Variants in SLC2A9 observed in about 807,000 individuals in gnomAD.
SLC2A9 encodes solute carrier family 2 member 9, also known as solute carrier family 2, facilitated glucose transporter member 9.
A neutral mutation model predicts 50.6 loss-of-function variants in SLC2A9; 39 were observed. The ratio of observed to expected loss-of-function variants is 0.77; its 90% confidence interval spans 0.60 to 1.01. SLC2A9 has a LOEUF of 1.01. Ranked by LOEUF, SLC2A9 falls within the 50% of genes least tolerant of loss-of-function variation. SLC2A9 has a pLI of 0.00. For missense variants in SLC2A9, 686 were observed against 677.6 expected (o/e 1.01, Z -0.14); for synonymous variants, 324 against 276.9 (o/e 1.17, Z -1.69).
intron 3 of SLC2A9, among the ~76,000 whole-genome samples, chr4:9,814,880 C>T (rs1398081446): frequency 6.6e-6 from 1 of 151,980 alleles, no homozygotes; most frequent in African/African-American, 2.4e-5. Flanking sequence ...GGGCACAGTC[C>T]ACCAAGACCA....
chr4:10,025,275 G>A (rs1578386371), upstream of SLC2A9, among the ~76,000 whole-genome samples: 1 of 152,200 alleles, frequency 6.6e-6, no homozygotes, highest in East Asian at 1.9e-4. Context: ...ACATAGCCTT[G>A]GACAAGTGGC....
At chr4:9,891,066 T>C (rs576055915) in intron 8 of SLC2A9, among the ~76,000 whole-genome samples, 1 of 152,308 alleles carries the variant, frequency 6.6e-6, no homozygotes, top group Admixed American at 6.5e-5. Flanking sequence ...GCATGGAAGG[T>C]GACTCCTCTG....
At chr4:9,891,965 C>T (rs548649614) in intron 8 of SLC2A9, among the ~76,000 whole-genome samples, 5 of 152,298 alleles carry the variant, frequency 3.3e-5, no homozygotes, top group East Asian at 1.9e-4. Flanking sequence ...AGCACTGAGA[C>T]GAACAGTTGC....
intron 8 of SLC2A9, among the ~76,000 whole-genome samples, chr4:9,893,250 C>T (rs557673608): frequency 6.6e-6 from 1 of 152,160 alleles, no homozygotes; most frequent in Non-Finnish European, 1.5e-5. Context: ...ATTCCTGGCT[C>T]TCTGATTCTC....
At chr4:9,893,780 G>C (rs1738003163) in intron 8 of SLC2A9, among the ~76,000 whole-genome samples, 1 of 152,180 alleles carries the variant, frequency 6.6e-6, no homozygotes, top group Non-Finnish European at 1.5e-5. Context: ...AAAAGGCCCA[G>C]AGATATCAGG....
intron 3 of SLC2A9, among the ~76,000 whole-genome samples, chr4:9,988,282 G>A (rs776038253): frequency 1.3e-5 from 2 of 152,224 alleles, no homozygotes; most frequent in Non-Finnish European, 2.9e-5. Flanking sequence ...GAGGCATAGA[G>A]GAGCCAAGGA....
chr4:9,931,425 T>A (rs1745893667), intron 6 of SLC2A9, among the ~76,000 whole-genome samples: 1 of 152,162 alleles, frequency 6.6e-6, no homozygotes, highest in Non-Finnish European at 1.5e-5. Flanking sequence ...AGTTACAGAT[T>A]CAACTTTATT....
At chr4:9,875,255 T>C (rs1488241878) in intron 10 of SLC2A9, among the ~76,000 whole-genome samples, 4 of 148,928 alleles carry the variant, frequency 2.7e-5, no homozygotes, top group African/African-American at 4.9e-5. Context: ...GATGGGATGC[T>C]GTGTCTTTAG....
In SLC2A9 at chr4:9,826,289, T is replaced by C. The variant is rs1294573581; in HGVS notation, c.*108A>G. 6.2e-6 allele frequency: 7 copies of C among 1,124,384 alleles called. No homozygotes were observed. In the South Asian group the frequency reaches 6.3e-5, roughly 10 times the overall value. The allele number at this position is 1,124,384 out of a possible 1,614,324, so 69.7% of individuals were successfully genotyped here. ...AAAAGACTTGCATAGCTTCAATTCA[T>C]TTAAGCTTCCCAATAATGGGTAAAT... On this transcript the variant is annotated 3_prime_UTR_variant, in exon 12 of 12. Coordinates refer to ENST00000264784, the MANE Select transcript of SLC2A9 (RefSeq NM_020041.3).
chr4:9,848,355 TAAAA>T (rs10716180), intron 10 of SLC2A9, among the ~76,000 whole-genome samples: 33 of 139,114 alleles, frequency 2.4e-4, no homozygotes, highest in African/African-American at 3.6e-4. Context: ...ATGTGTTTTC[TAAAA>T]AAAAAAAAAA....
intron 7 of SLC2A9, among the ~76,000 whole-genome samples, chr4:9,917,972 G>A (rs1743190503): frequency 6.6e-6 from 1 of 152,154 alleles, no homozygotes; most frequent in African/African-American, 2.4e-5. Flanking sequence ...GCTGTCCAGG[G>A]AGTGCACCCA....
intron 3 of SLC2A9, among the ~76,000 whole-genome samples, chr4:9,994,821 G>A (rs1037588093): frequency 2.0e-5 from 3 of 151,968 alleles, no homozygotes; most frequent in Non-Finnish European, 4.4e-5. Context: ...GCCACGGTCA[G>A]GTATAAAGCA....
chr4:10,006,213 T>C (rs1240728616), intron 2 of SLC2A9, among the ~76,000 whole-genome samples: 1 of 152,194 alleles, frequency 6.6e-6, no homozygotes, highest in Admixed American at 6.5e-5. Context: ...CAGCCAAGAC[T>C]GGCTTAGAGC....
At chr4:9,862,997 A>G (rs144293768) in intron 10 of SLC2A9, among the ~76,000 whole-genome samples, 1 of 152,170 alleles carries the variant, frequency 6.6e-6, no homozygotes, top group East Asian at 1.9e-4. Context: ...ATAAAGCACA[A>G]TGAATGTGCC....
intron 10 of SLC2A9, among the ~76,000 whole-genome samples, chr4:9,838,262 CTGG>C (rs1727415901): frequency 6.6e-6 from 1 of 152,080 alleles, no homozygotes; most frequent in Admixed American, 6.5e-5. Flanking sequence ...TCTGTAGCTG[CTGG>C]TGAAGATGAT....
chr4:9,884,018 G>A (rs1480574249), intron 10 of SLC2A9, among the ~76,000 whole-genome samples: 1 of 152,226 alleles, frequency 6.6e-6, no homozygotes, highest in East Asian at 1.9e-4. Flanking sequence ...GTAGACCAGA[G>A]ACACTCGGGG....
chr4:9,944,690 G>C (rs1404914187), intron 5 of SLC2A9, among the ~76,000 whole-genome samples: 11 of 152,232 alleles, frequency 7.2e-5, no homozygotes, highest in Admixed American at 7.2e-4. Context: ...GTGGAGCTCA[G>C]ATAAGAGTTT....
chr4:9,797,093 C>G (rs989199845), downstream of SLC2A9, among the ~76,000 whole-genome samples: 12 of 152,196 alleles, frequency 7.9e-5, no homozygotes, highest in Non-Finnish European at 1.5e-4. Context: ...TAATAGCTCT[C>G]AGGAAGTGTT....
intron 10 of SLC2A9, among the ~76,000 whole-genome samples, chr4:9,866,230 TA>T (rs1233397612): frequency 1.3e-5 from 2 of 151,302 alleles, no homozygotes; most frequent in Non-Finnish European, 2.9e-5. Context: ...ATACCATTAT[TA>T]TTATTAATAT....
Sources: allele counts gnomAD v4.1 joint callset (sites outside exome capture counted in the v4.1 genomes callset), GRCh38; gene constraint gnomAD v4.1.1; transcripts MANE v1.5; gene names NCBI Gene and HGNC (gene_info 2026-07-23, HGNC 2026-07-21).